The following PINX1 variants were observed in gnomAD, a reference collection of about 807,000 sequenced individuals.
The protein encoded by PINX1 is PIN2/TERF1-interacting telomerase inhibitor 1.
A neutral mutation model predicts 25.4 loss-of-function variants in PINX1; 34 were observed. The ratio of observed to expected loss-of-function variants is 1.34; its 90% CI spans 1.02 to 1.78. The LOEUF (loss-of-function observed/expected upper bound fraction) is 1.78, where lower values mean the gene tolerates loss of function less well. Ranked by LOEUF, PINX1 falls within the 40% of genes most tolerant of loss-of-function variation. The pLI is 0.00. For missense variants in PINX1, 592 were observed against 404.9 expected, an observed-to-expected ratio of 1.46 and a Z score of -3.97; for synonymous variants, 197 against 147.7, an observed-to-expected ratio of 1.33 and a Z score of -2.42.
chr8:10,839,587 A>G, intron 1 of PINX1, 151 bp downstream of exon 1: 1 of 749,724 alleles, frequency 1.3e-6, no homozygotes, highest in Non-Finnish European at 2.2e-6. Flanking sequence ...GGCGAGCAGG[A>G]CAATCAGAGC....
In PINX1 at chr8:10,765,584, C is replaced by G. The variant is rs369418829; in HGVS notation, c.804G>C (p.Gln268His). 86 of 1,613,732 alleles carry G rather than the reference C, an allele frequency of 5.3e-5. No individual in the cohort carries two copies. The African/African-American group carries it at 1.0e-3, about 19-fold the overall frequency. Residue 268 changes from glutamine (Q) to histidine (H), a missense_variant, in exon 7 of 7, where the codon CAG becomes CAC. Physicochemically the swap from Gln to His is conservative, Grantham distance 24 (BLOSUM62 0). Coordinates refer to ENST00000314787, the MANE Select transcript of PINX1 (RefSeq NM_017884.6). ...EEQLRGPCWD[Q>H]SSKASAQDAG... is the part of the protein sequence containing the mutation. ...CATCCTGAGCAGAGGCCTTGGAACTCTGGTCCCAGCAGGGGCCTCTGAGCT... is the reference window on the plus strand; with the variant it reads ...CATCCTGAGCAGAGGCCTTGGAACTGTGGTCCCAGCAGGGGCCTCTGAGCT...
intron 6 of PINX1, among the ~76,000 whole-genome samples, chr8:10,813,033 C>T (rs1013849426): frequency 6.6e-6 from 1 of 152,202 alleles, no homozygotes; most frequent in Non-Finnish European, 1.5e-5. Flanking sequence ...ACTGTCCCAG[C>T]TCACAGTGAT....
intron 6 of PINX1, among the ~76,000 whole-genome samples, chr8:10,791,360 G>A (rs908692974): frequency 2.0e-5 from 3 of 152,214 alleles, no homozygotes; most frequent in South Asian, 2.1e-4. Flanking sequence ...CTCGGTGGAA[G>A]CACACATCGC....
chr8:10,811,759 G>C (rs185037018), intron 6 of PINX1, among the ~76,000 whole-genome samples: 2 of 152,142 alleles, frequency 1.3e-5, no homozygotes, highest in African/African-American at 4.8e-5. Flanking sequence ...CTTGGGGCTC[G>C]GGGCAGCTGG....
chr8:10,776,727 G>T (rs1801408969), intron 6 of PINX1, among the ~76,000 whole-genome samples: 2 of 152,174 alleles, frequency 1.3e-5, no homozygotes, highest in South Asian at 4.1e-4. Context: ...CGAGGAAGGG[G>T]AAGCAAGGGA....
Position 10,810,128 on chromosome 8 carries a change from G to C in PINX1, c.471+10065C>G, listed in dbSNP as rs997296174. Among the ~76,000 whole-genome samples, 32 of 152,142 alleles carry C rather than the reference G, an allele frequency of 2.1e-4. 1 individual carries two copies. Among genetic ancestry groups the C allele is most frequent in the Non-Finnish European group, 4.4e-5 (3 of 68,030 alleles). On this transcript the variant is annotated intron_variant, in intron 6 of 6. Coordinates refer to ENST00000314787, the MANE Select transcript of PINX1 (RefSeq NM_017884.6). Reference sequence around the variant, plus strand: ...TGAGGATATCAAGTCATGCATAAGGGATCCGCCCCAACAACACAAACACCT... The same window carrying C: ...TGAGGATATCAAGTCATGCATAAGGCATCCGCCCCAACAACACAAACACCT...
intron 6 of PINX1, among the ~76,000 whole-genome samples, chr8:10,793,551 C>A (rs1235651839): frequency 6.6e-6 from 1 of 152,186 alleles, no homozygotes; most frequent in Non-Finnish European, 1.5e-5. Context: ...TGCAGCCCAC[C>A]CGCCATGGGC....
chr8:10,826,356 T>C, intron 4 of PINX1, 112 bp from the exon 5 acceptor site: 1 of 589,274 alleles, frequency 1.7e-6, no homozygotes, highest in Non-Finnish European at 3.0e-6. Context: ...CATTAATGAT[T>C]GAACTCTTTC....
chr8:10,779,915 C>A (rs940384009), intron 6 of PINX1, among the ~76,000 whole-genome samples: 2 of 152,116 alleles, frequency 1.3e-5, no homozygotes, highest in African/African-American at 4.8e-5. Flanking sequence ...GAGAAAGGGA[C>A]GACTCCAAGT....
In PINX1 at chr8:10,813,354, T is replaced by C. The variant is rs115870009; in HGVS notation, c.471+6839A>G. ...TCAGAAAAGGAGAAACACCCTTGAA[T>C]TAAAAGGCACTTGAAAAATGAAGGC... On this transcript the variant is annotated intron_variant, in intron 6 of 6. Coordinates refer to ENST00000314787, the MANE Select transcript of PINX1 (RefSeq NM_017884.6). 4.0e-3 allele frequency among the ~76,000 whole-genome samples: 603 copies of C among 152,198 alleles called. 3 individuals are homozygous for C. The highest frequency in any genetic ancestry group is 0.014 in the African/African-American group (571 of 41,514).
At chr8:10,809,417 C>A (rs1448826784) in intron 6 of PINX1, among the ~76,000 whole-genome samples, 6 of 152,220 alleles carry the variant, frequency 3.9e-5, no homozygotes, top group Non-Finnish European at 7.4e-5. Flanking sequence ...CAATATTTAG[C>A]TCTTCTTCCT....
chr8:10,796,257 A>G (rs1388625901), intron 6 of PINX1, among the ~76,000 whole-genome samples: 11 of 152,208 alleles, frequency 7.2e-5, no homozygotes, highest in Admixed American at 7.2e-4. Context: ...TTGGGGGAAA[A>G]GAACTTCCAT....
chr8:10,795,515 C>T (rs757125493), intron 6 of PINX1, among the ~76,000 whole-genome samples: 22 of 152,362 alleles, frequency 1.4e-4, no homozygotes, highest in Non-Finnish European at 2.4e-4. Context: ...ATTCTCCTGC[C>T]TCAGCATCCC....
chr8:10,787,197 C>A (rs750043525), intron 6 of PINX1, among the ~76,000 whole-genome samples: 5 of 148,724 alleles, frequency 3.4e-5, no homozygotes, highest in African/African-American at 5.2e-5. Flanking sequence ...TACACACATA[C>A]ACATATTTTA....
chr8:10,771,264 TACTTTAA>T (rs1801213255), intron 6 of PINX1: 1 of 152,218 alleles, frequency 6.6e-6, no homozygotes, highest in Non-Finnish European at 1.5e-5. Flanking sequence ...GCTGTGTGTG[TACTTTAA>T]ACTCCTCCAA....
chr8:10,824,153 T>C (rs1341647181), intron 5 of PINX1, among the ~76,000 whole-genome samples: 2 of 151,820 alleles, frequency 1.3e-5, no homozygotes, highest in African/African-American at 2.4e-5. Context: ...TAGAACTTAA[T>C]AGTCACTTAC....
chr8:10,788,636 C>G (rs1321115578), intron 6 of PINX1, among the ~76,000 whole-genome samples: 2 of 152,038 alleles, frequency 1.3e-5, no homozygotes, highest in Non-Finnish European at 2.9e-5. Context: ...TCCTGGAGTA[C>G]AGTAAGTAAC....
intron 2 of PINX1, chr8:10,833,386 A>C: frequency 6.3e-6 from 1 of 157,542 alleles, no homozygotes; most frequent in Non-Finnish European, 1.4e-5. Flanking sequence ...TAAGGATGAC[A>C]TGATCTAATT....
At position 10,768,360 on chromosome 8, in the gene PINX1, G is replaced by A. The variant is rs115263818; in HGVS notation, c.472-2444C>T. Among the ~76,000 whole-genome samples, 926 of 152,256 alleles carry A rather than the reference G, an allele frequency of 6.1e-3. 7 individuals are homozygous for A. Among genetic ancestry groups the A allele is most frequent in the South Asian group, 0.038 (182 of 4,822 alleles). ...TTGTGAATTCCTGATTTTAATCACC[G>A]GAACTAATTGCTGGTATTAATCACA... On this transcript the variant is annotated intron_variant, in intron 6 of 6. Coordinates refer to ENST00000314787, the MANE Select transcript of PINX1 (RefSeq NM_017884.6).
Sources: gnomAD v4.1 joint callset for allele counts (sites outside exome capture counted in the v4.1 genomes callset) on GRCh38, gnomAD v4.1.1 for gene constraint, MANE v1.5 for transcripts, NCBI Gene and HGNC (gene_info 2026-07-23, HGNC 2026-07-21) for gene names.